The following ELP4 variants were observed in gnomAD, a reference collection of about 807,000 sequenced individuals.
The protein encoded by ELP4 is elongator complex protein 4.
A neutral mutation model predicts 48.9 loss-of-function variants in ELP4; 51 were observed. The observed-to-expected ratio is 1.04, with a 90% CI of 0.83 to 1.32. The LOEUF (loss-of-function observed/expected upper bound fraction) is 1.32. Among genes scored for constraint, ELP4 ranks in the 40% most tolerant of loss-of-function variants. The pLI is 0.00. For missense variants in ELP4, 519 were observed against 514.6 expected, an observed-to-expected ratio of 1.01 and a Z score of -0.08; for synonymous variants, 210 against 189.2, an observed-to-expected ratio of 1.11 and a Z score of -0.90.
intron 2 of ELP4, among the ~76,000 whole-genome samples, chr11:31,522,807 A>G (rs1361998895): frequency 6.6e-6 from 1 of 151,670 alleles, no homozygotes; most frequent in African/African-American, 2.4e-5. Flanking sequence ...GTTATCAAAC[A>G]TTTTAATATT....
At chr11:31,679,624 C>T (rs1946014498) in intron 9 of ELP4, among the ~76,000 whole-genome samples, 1 of 152,124 alleles carries the variant, frequency 6.6e-6, no homozygotes, top group South Asian at 2.1e-4. Flanking sequence ...CCTCAAAGAC[C>T]TCATACCCAA....
At chr11:31,678,336 C>G (rs1296659468) in intron 9 of ELP4, among the ~76,000 whole-genome samples, 1 of 152,088 alleles carries the variant, frequency 6.6e-6, no homozygotes. Flanking sequence ...GTGGTCCCAG[C>G]TACTCAGGAG....
intron 2 of ELP4, among the ~76,000 whole-genome samples, chr11:31,537,488 C>T (rs1004237533): frequency 2.0e-5 from 3 of 152,130 alleles, no homozygotes; most frequent in South Asian, 2.1e-4. Flanking sequence ...AGTCCCTTCT[C>T]GCACTGCTCT....
chr11:31,519,661 C>T (rs1244282932), intron 1 of ELP4, among the ~76,000 whole-genome samples: 3 of 151,988 alleles, frequency 2.0e-5, no homozygotes, highest in South Asian at 2.1e-4. Context: ...TCCATCTCTG[C>T]TAAAAATACA....
intron 9 of ELP4, among the ~76,000 whole-genome samples, chr11:31,689,668 T>G (rs1946234550): frequency 6.6e-6 from 1 of 152,128 alleles, no homozygotes; most frequent in African/African-American, 2.4e-5. Flanking sequence ...TTATGTTCTA[T>G]GTACTGTATG....
At chr11:31,609,595 G>A (rs997434888) in intron 5 of ELP4, among the ~76,000 whole-genome samples, 2 of 152,066 alleles carry the variant, frequency 1.3e-5, no homozygotes, top group Non-Finnish European at 2.9e-5. Flanking sequence ...GATGAGACAA[G>A]TAGTCATATG....
chr11:31,668,675 C>CATGTGTGTGTGTGGGT (rs757792983), intron 9 of ELP4, among the ~76,000 whole-genome samples: 1 of 121,040 alleles, frequency 8.3e-6, no homozygotes. Flanking sequence ...CCTTTGGTAC[C>CATGTGTGTGTGTGGGT]GTGTGTGTGT....
chr11:31,610,392 G>A (rs1565078167), intron 5 of ELP4, among the ~76,000 whole-genome samples: 2 of 151,916 alleles, frequency 1.3e-5, no homozygotes, highest in South Asian at 2.1e-4. Context: ...GATTCAAAGG[G>A]TACATTTGCA....
chr11:31,550,391 G>A (rs1027765546), intron 3 of ELP4, among the ~76,000 whole-genome samples: 11 of 152,038 alleles, frequency 7.2e-5, no homozygotes, highest in Non-Finnish European at 2.9e-5. Flanking sequence ...ACTTCAAAAA[G>A]TTTGTGGAAA....
intron 9 of ELP4, among the ~76,000 whole-genome samples, chr11:31,745,145 T>G (rs995441621): frequency 6.6e-5 from 10 of 152,248 alleles, no homozygotes; most frequent in African/African-American, 2.4e-4. Context: ...TCACAACTGC[T>G]TCAAAGAGAA....
chr11:31,710,817 T>C (rs1342676661), intron 9 of ELP4, among the ~76,000 whole-genome samples: 1 of 152,108 alleles, frequency 6.6e-6, no homozygotes, highest in Non-Finnish European at 1.5e-5. Flanking sequence ...TTCATGTAAC[T>C]ATCCAAGCAT....
intron 3 of ELP4, among the ~76,000 whole-genome samples, chr11:31,588,985 A>AAAT (rs1431310481): frequency 6.6e-6 from 1 of 152,176 alleles, no homozygotes; most frequent in Non-Finnish European, 1.5e-5. Flanking sequence ...TCTGTCTCAA[A>AAAT]AATAATAATA....
intron 1 of ELP4, among the ~76,000 whole-genome samples, chr11:31,515,882 G>A (rs565478399): frequency 3.9e-5 from 6 of 152,162 alleles, no homozygotes; most frequent in African/African-American, 1.4e-4. Flanking sequence ...AGGCCGAGGC[G>A]GGCGGATCAC....
At chr11:31,736,170 C>T (rs1269728394) in intron 9 of ELP4, among the ~76,000 whole-genome samples, 4 of 152,146 alleles carry the variant, frequency 2.6e-5, no homozygotes, top group South Asian at 2.1e-4. Flanking sequence ...GAAATAAAGC[C>T]GCATATCTAC....
At chr11:31,707,248 T>C in intron 9 of ELP4, 1 of 361,396 alleles carries the variant, frequency 2.8e-6, no homozygotes, top group Admixed American at 4.6e-5. Context: ...TTCATGTAAG[T>C]ATATATATGA....
chr11:31,740,149 C>G (rs559299518), intron 9 of ELP4, among the ~76,000 whole-genome samples: 3 of 152,144 alleles, frequency 2.0e-5, no homozygotes, highest in Admixed American at 6.5e-5. Context: ...GCCTAGAGTT[C>G]GTCAGATAAT....
In ELP4 at chr11:31,650,135, A is replaced by T; in HGVS notation, c.1057A>T (p.Ile353Phe). ...DYHGLIHIRQ[I>F]PRLNNLICDE... ...ACAAGGATTGATTCATATACGGCAG[A>T]TTCCTCGGCTTAATAACTTGATCTG... is the stretch of plus-strand genomic sequence containing the variant. The change falls in exon 9 of 10, where the codon ATT (isoleucine) becomes TTT (phenylalanine). Residue 353 changes from isoleucine (I) to phenylalanine (F), a missense_variant. Coordinates refer to ENST00000640961, the MANE Select transcript of ELP4 (RefSeq NM_019040.5). 1 of 1,500,136 alleles carries T rather than the reference A, an allele frequency of 6.7e-7. No individual in the cohort carries two copies. The highest frequency in any genetic ancestry group is 9.2e-7 in the Non-Finnish European group (1 of 1,085,712). 92.9% of individuals were successfully genotyped at this position (1,500,136 alleles called of 1,614,324 possible).
intron 9 of ELP4, among the ~76,000 whole-genome samples, chr11:31,768,329 C>A (rs1948080230): frequency 6.6e-6 from 1 of 152,120 alleles, no homozygotes; most frequent in Non-Finnish European, 1.5e-5. Context: ...GTGAAATACA[C>A]ACTGCCTAGG....
At chr11:31,740,376 A>G (rs1185946704) in intron 9 of ELP4, among the ~76,000 whole-genome samples, 2 of 152,244 alleles carry the variant, frequency 1.3e-5, no homozygotes, top group Non-Finnish European at 2.9e-5. Flanking sequence ...AAACAACATA[A>G]GTCTACACCC....
Sources: allele counts gnomAD v4.1 joint callset (sites outside exome capture counted in the v4.1 genomes callset), GRCh38; gene constraint gnomAD v4.1.1; transcripts MANE v1.5; gene names NCBI Gene and HGNC (gene_info 2026-07-23, HGNC 2026-07-21).